Variants in DGKK observed in about 807,000 individuals in gnomAD.
The protein encoded by DGKK is 142 kDa diacylglycerol kinase.
DGKK carries 35 observed loss-of-function variants against 92.2 expected under a neutral mutation model. The ratio of observed to expected loss-of-function variants is 0.38; its 90% CI spans 0.29 to 0.50. DGKK has a LOEUF of 0.50. DGKK is among the 20% of genes least tolerant of loss of function. The pLI is 0.92. For missense variants in DGKK, 910 were observed against 992.2 expected (o/e 0.92, Z 1.11); for synonymous variants, 368 against 360.6 (o/e 1.02, Z -0.23).
At chrX:50,453,255 C>A (rs1437604499) in intron 1 of DGKK, among the ~76,000 whole-genome samples, 1 of 111,248 alleles carries the variant, frequency 9.0e-6, no homozygotes, top group Non-Finnish European at 1.9e-5. Flanking sequence ...TAGTCTGGAG[C>A]CTTGGGCCTC....
intron 8 of DGKK, among the ~76,000 whole-genome samples, chrX:50,399,773 T>C (rs944842775): frequency 1.8e-5 from 2 of 112,098 alleles, no homozygotes; most frequent in South Asian, 7.5e-4. Flanking sequence ...AGCTGTGATA[T>C]ATGATTTTGA....
At chrX:50,383,850 C>G (rs1208854266) in intron 17 of DGKK, among the ~76,000 whole-genome samples, 1 of 112,461 alleles carries the variant, frequency 8.9e-6, no homozygotes, top group Non-Finnish European at 1.9e-5. Context: ...ATAACAACAA[C>G]TAACATTTAT....
chrX:50,376,049 CCCATCTCATTGCCA>C lies in DGKK; in HGVS notation c.3375_3388del (p.Ser1125ArgfsTer9). The C allele has an allele frequency of 8.3e-7, 1 of 1,211,317 alleles. No individual in the cohort carries two copies. On this transcript the variant is annotated frameshift_variant, in exon 24 of 28. Coordinates refer to ENST00000611977, the MANE Select transcript of DGKK (RefSeq NM_001013742.4). LOFTEE classifies it high-confidence loss of function. ...TTCAATGGGAATACAGGAAGCTGCA[CCCATCTCATTGCCA>C]CTGTCTTGGCCGTAAAATATATCAT...
chrX:50,461,917 CA>C (rs1477575952), intron 1 of DGKK, among the ~76,000 whole-genome samples: 1 of 111,476 alleles, frequency 9.0e-6, no homozygotes, highest in Non-Finnish European at 1.9e-5. Flanking sequence ...ACATCAAAGC[CA>C]GCACATAATG....
In DGKK at chrX:50,367,860, G is replaced by A. The variant is rs1414814642; in HGVS notation, c.*1080C>T. 2 of 110,049 alleles carry A rather than the reference G, an allele frequency of 1.8e-5. No homozygotes were observed. The highest frequency in any genetic ancestry group is 6.6e-5 in the African/African-American group (2 of 30,179). 9.1% of individuals were successfully genotyped at this position (110,049 alleles called of 1,213,427 possible). A position where few individuals can be genotyped will look rare whatever the true frequency, so the allele number is the denominator to read the frequency against. On this transcript the variant is annotated 3_prime_UTR_variant, in exon 28 of 28. Coordinates refer to ENST00000611977, the MANE Select transcript of DGKK (RefSeq NM_001013742.4). ...TTTTAAGGGGGCGTCAGAATCAGCT[G>A]GGCCATAGATCCCAGCCACCTCTAA...
chrX:50,470,340 C>A lies in DGKK; in HGVS notation c.339G>T (p.Pro113=), dbSNP rs781872422. ...CAGACTCTGTGGCAGGTTCTGGGGC[C>A]GGTTCTGGGGCCGGCTCTGTGGCAG... ...PEPATEPAPE[P]APEPATESAP... The change falls in exon 1 of 28, where the codon CCG becomes CCT. Residue 113 remains proline, a synonymous_variant. Transcript: ENST00000611977. 6.6e-6 allele frequency: 8 copies of A among 1,207,761 alleles called. No homozygotes were observed. Among genetic ancestry groups the A allele is most frequent in the Non-Finnish European group, 8.9e-6 (8 of 894,259 alleles).
intron 1 of DGKK, among the ~76,000 whole-genome samples, chrX:50,434,695 A>C (rs891056831): frequency 6.3e-5 from 7 of 111,074 alleles, no homozygotes; most frequent in Non-Finnish European, 1.3e-4. Flanking sequence ...AAAAAAAAAA[A>C]CAGTCCTTTA....
At chrX:50,397,272 C>A (rs1163111001) in intron 8 of DGKK, among the ~76,000 whole-genome samples, 2 of 111,960 alleles carry the variant, frequency 1.8e-5, no homozygotes, top group East Asian at 5.6e-4. Context: ...CCAACAGTCC[C>A]ACTCAAATTC....
At chrX:50,454,762 A>T (rs1166751498) in intron 1 of DGKK, among the ~76,000 whole-genome samples, 10 of 111,746 alleles carry the variant, frequency 8.9e-5, no homozygotes, top group Middle Eastern at 4.2e-3. Flanking sequence ...GATTGTCAGT[A>T]GGACTAATGC....
chrX:50,381,551 A>G lies in DGKK; in HGVS notation c.2657+945T>C, dbSNP rs149465476. Among the ~76,000 whole-genome samples, 8 of 112,376 alleles carry G rather than the reference A, an allele frequency of 7.1e-5. No individual in the cohort carries two copies. The East Asian group carries it at 2.2e-3, about 31-fold the overall frequency. The stretch of plus-strand genomic sequence containing the variant: ...TATCCACAGGCAAAAAGATAAACTT[A>G]GACTCTTACCTTAGACCCTCACACT... On this transcript the variant is annotated intron_variant, in intron 18 of 27. Coordinates refer to ENST00000611977, the MANE Select transcript of DGKK (RefSeq NM_001013742.4).
chrX:50,410,681 C>T (rs1219911266), intron 4 of DGKK, among the ~76,000 whole-genome samples: 2 of 111,661 alleles, frequency 1.8e-5, no homozygotes, highest in African/African-American at 6.5e-5. Context: ...GACCACAGAA[C>T]TGAGAAAACC....
chrX:50,438,049 G>A (rs781920505), intron 1 of DGKK, among the ~76,000 whole-genome samples: 47 of 110,880 alleles, frequency 4.2e-4, no homozygotes, highest in African/African-American at 1.5e-3. Context: ...AATTTGTCCT[G>A]TGGGGGAGAA....
At chrX:50,434,566 C>G (rs1557230591) in intron 1 of DGKK, among the ~76,000 whole-genome samples, 1 of 110,840 alleles carries the variant, frequency 9.0e-6, no homozygotes, top group Non-Finnish European at 1.9e-5. Context: ...CCCCCAGGGG[C>G]CACTATTTCA....
intron 20 of DGKK, among the ~76,000 whole-genome samples, chrX:50,379,250 G>A (rs1316412641): frequency 1.9e-5 from 2 of 107,433 alleles, no homozygotes; most frequent in African/African-American, 6.8e-5. Context: ...GAACCTGGGA[G>A]GCGGAGGTTG....
At chrX:50,433,887 T>C (rs1925953839) in intron 1 of DGKK, among the ~76,000 whole-genome samples, 1 of 111,276 alleles carries the variant, frequency 9.0e-6, no homozygotes, top group Non-Finnish European at 1.9e-5. Flanking sequence ...TGGACCCTGG[T>C]CCTCAACCTA....
At position 50,388,586 on chromosome X, in the gene DGKK, G is replaced by A. The variant is rs1557225240; in HGVS notation, c.1959C>T (p.Ala653=). Residue 653 remains alanine, a synonymous_variant, in exon 13 of 28, where the codon GCC becomes GCT. Transcript: ENST00000611977. Reference sequence around the variant, plus strand: ...CCTTCAGGATTTTGTTCAACTCGGTGGCTGCAGATTCTAAGTGTTGGATGG... The same window carrying A: ...CCTTCAGGATTTTGTTCAACTCGGTAGCTGCAGATTCTAAGTGTTGGATGG... ...AAAIQHLESA[A]TELNKILKAK... The A allele has an allele frequency of 8.3e-7, 1 of 1,205,769 alleles. No homozygotes were observed. Among genetic ancestry groups the A allele is most frequent in the Non-Finnish European group, 1.1e-6 (1 of 893,224 alleles).
intron 8 of DGKK, among the ~76,000 whole-genome samples, chrX:50,399,470 T>C (rs995847209): frequency 1.5e-4 from 17 of 112,271 alleles, no homozygotes; most frequent in Admixed American, 5.7e-4. Flanking sequence ...GGATAATTTT[T>C]AAGTCAGTGA....
chrX:50,446,237 C>T (rs1440692730), intron 1 of DGKK, among the ~76,000 whole-genome samples: 3 of 111,034 alleles, frequency 2.7e-5, no homozygotes, highest in Non-Finnish European at 5.7e-5. Flanking sequence ...ACAGGATGGT[C>T]TGACTTCCTC....
At chrX:50,459,809 A>C (rs1353877534) in intron 1 of DGKK, among the ~76,000 whole-genome samples, 1 of 111,445 alleles carries the variant, frequency 9.0e-6, no homozygotes, top group East Asian at 2.9e-4. Context: ...GCAGGAGGGA[A>C]ATTGTCACAG....
Sources: gnomAD v4.1 joint callset for allele counts (sites outside exome capture counted in the v4.1 genomes callset) on GRCh38, gnomAD v4.1.1 for gene constraint, MANE v1.5 for transcripts, NCBI Gene and HGNC (gene_info 2026-07-23, HGNC 2026-07-21) for gene names.